OSBPL5: variants seen among roughly 807,000 people sequenced by gnomAD.
The protein encoded by OSBPL5 is oxysterol binding protein like 5, also known as oxysterol-binding protein-related protein 5.
Under a neutral mutation model 111.2 loss-of-function variants are expected in OSBPL5, and 71 were observed. The ratio of observed to expected loss-of-function variants is 0.64; its 90% CI spans 0.53 to 0.78. OSBPL5 has a LOEUF of 0.78. Among genes scored for constraint, OSBPL5 ranks in the 30% least tolerant of loss-of-function variants. OSBPL5 has a pLI of 0.00. For missense variants in OSBPL5, 1,210 were observed against 1,189.3 expected, an observed-to-expected ratio of 1.02 and a Z score of -0.26; for synonymous variants, 549 against 513.9, an observed-to-expected ratio of 1.07 and a Z score of -0.93.
chr11:3,108,564 G>T (rs114038374), intron 7 of OSBPL5, among the ~76,000 whole-genome samples: 1 of 152,112 alleles, frequency 6.6e-6, no homozygotes, highest in African/African-American at 2.4e-5. Context: ...AGCAGGGGCT[G>T]GTCGACAGCT....
chr11:3,107,553 G>T lies in OSBPL5; in HGVS notation c.867-98C>A. ...CCTCGCTGCTCCGCACTTCACATACGTTCCTGCCTGTCGTCACCTCCACAA... is the reference window on the plus strand; with the variant it reads ...CCTCGCTGCTCCGCACTTCACATACTTTCCTGCCTGTCGTCACCTCCACAA... On this transcript the variant is annotated intron_variant, in intron 8 of 21. Transcript: ENST00000263650. The surrounding 1 kb of genome is among the most constrained non-coding windows in gnomAD (Gnocchi z 6.1). 1.4e-6 allele frequency: 2 copies of T among 1,426,840 alleles called. No individual in the cohort carries two copies. The highest frequency in any genetic ancestry group is 4.6e-5 in the East Asian group (2 of 43,650). 88.4% of individuals were successfully genotyped at this position (1,426,840 alleles called of 1,614,324 possible).
intron 3 of OSBPL5, among the ~76,000 whole-genome samples, chr11:3,123,189 T>C (rs1184169615): frequency 6.6e-6 from 1 of 152,144 alleles, no homozygotes; most frequent in Non-Finnish European, 1.5e-5. Flanking sequence ...GGGCCACGGT[T>C]CTTCTACAGA....
rs945743615 is a variant in OSBPL5, at chr11:3,140,689, A to G, written c.-21-11520T>C. ...CACATTACCCAGGACTGGCTGTAGG[A>G]GCCTTGTTTCCAAGACCAGAGAGGT... On this transcript the variant is annotated intron_variant, in intron 1 of 21. Coordinates refer to ENST00000263650, the MANE Select transcript of OSBPL5 (RefSeq NM_020896.4). This position sits in a 1 kb window ranked among gnomAD's most constrained non-coding sequence, Gnocchi z 4.5. 6.6e-6 allele frequency among the ~76,000 whole-genome samples: 1 copy of G among 152,116 alleles called. No individual in the cohort carries two copies. Among genetic ancestry groups the G allele is most frequent in the Non-Finnish European group, 1.5e-5 (1 of 67,994 alleles).
In OSBPL5 at chr11:3,142,794, C is replaced by T. The variant is rs1054875718; in HGVS notation, c.-21-13625G>A. 1.3e-5 allele frequency among the ~76,000 whole-genome samples: 2 copies of T among 151,958 alleles called. No homozygotes were observed. The highest frequency in any genetic ancestry group is 2.9e-5 in the Non-Finnish European group (2 of 67,990). Reference sequence around the variant, plus strand: ...AGGTCTCCCTTCACCTGGGGATCCCCGAGCCCCATGCAGCCTTGCGGGTAG... The same window carrying T: ...AGGTCTCCCTTCACCTGGGGATCCCTGAGCCCCATGCAGCCTTGCGGGTAG... On this transcript the variant is annotated intron_variant, in intron 1 of 21. Coordinates refer to ENST00000263650, the MANE Select transcript of OSBPL5 (RefSeq NM_020896.4). The surrounding 1 kb of genome is among the most constrained non-coding windows in gnomAD (Gnocchi z 7.1).
chr11:3,156,754 T>C (rs1846771333), intron 1 of OSBPL5, among the ~76,000 whole-genome samples: 1 of 152,264 alleles, frequency 6.6e-6, no homozygotes, highest in African/African-American at 2.4e-5. Flanking sequence ...GGCCCCTCCC[T>C]GCTCTGAGAG....
chr11:3,119,456 C>A (rs1858324111), intron 7 of OSBPL5, 91 bp downstream of exon 7: 3 of 1,324,952 alleles, frequency 2.3e-6, no homozygotes, highest in Admixed American at 5.3e-5. Flanking sequence ...AGGGACTGAA[C>A]TGGGGCCACC....
chr11:3,155,163 C>T (rs375721832), intron 1 of OSBPL5, among the ~76,000 whole-genome samples: 5 of 152,348 alleles, frequency 3.3e-5, no homozygotes, highest in East Asian at 3.9e-4. Flanking sequence ...AGAGAATCAA[C>T]GTCTGGGCTG....
chr11:3,142,743 G>A lies in OSBPL5; in HGVS notation c.-21-13574C>T, dbSNP rs1846167380. Among the ~76,000 whole-genome samples, 1 of 152,108 alleles carries A rather than the reference G, an allele frequency of 6.6e-6. No homozygotes were observed. Among genetic ancestry groups the A allele is most frequent in the African/African-American group, 2.4e-5 (1 of 41,412 alleles). ...CGCGGGGCCCGGCAGGAAGTCGTGT[G>A]CAGGGGTGGAGGCTGGAAGACCAGC... On this transcript the variant is annotated intron_variant, in intron 1 of 21. Transcript: ENST00000263650. The surrounding 1 kb of genome is among the most constrained non-coding windows in gnomAD (Gnocchi z 7.1).
intron 21 of OSBPL5, 148 bp from the exon 22 acceptor site, chr11:3,088,491 G>C: frequency 2.1e-6 from 2 of 936,216 alleles, no homozygotes; most frequent in Non-Finnish European, 2.9e-6. Context: ...GCAACAGAGC[G>C]GGTGGGGGTG....
intron 10 of OSBPL5, among the ~76,000 whole-genome samples, chr11:3,103,665 TTGCCCCCTTCCAGTCTCTGC>T (rs1857533829): frequency 1.5e-5 from 2 of 134,110 alleles, no homozygotes; most frequent in Admixed American, 7.1e-5. Flanking sequence ...CCTGCCTCTG[TTGCCCCCTTCCAGTCTCTGC>T]AGCCCCCTTC....
At chr11:3,159,169 A>T (rs1268635948) in intron 1 of OSBPL5, among the ~76,000 whole-genome samples, 2 of 152,182 alleles carry the variant, frequency 1.3e-5, no homozygotes, top group Non-Finnish European at 2.9e-5. Flanking sequence ...GAGGCCACAG[A>T]GAATGAAACA....
At chr11:3,151,095 G>C (rs1018715108) in intron 1 of OSBPL5, among the ~76,000 whole-genome samples, 1 of 152,190 alleles carries the variant, frequency 6.6e-6, no homozygotes, top group African/African-American at 2.4e-5. Flanking sequence ...GACACAGACA[G>C]GGGAGAACGT....
intron 11 of OSBPL5, among the ~76,000 whole-genome samples, chr11:3,102,756 C>T (rs763467711): frequency 2.0e-5 from 3 of 152,142 alleles, no homozygotes; most frequent in Non-Finnish European, 4.4e-5. Context: ...AACCCCAGGG[C>T]TCTGTGGTGG....
chr11:3,120,277 T>A, intron 6 of OSBPL5, 144 bp downstream of exon 6: 1 of 977,494 alleles, frequency 1.0e-6, no homozygotes, highest in Non-Finnish European at 1.5e-6. Flanking sequence ...CCTGGCCGCA[T>A]GTGGGGCTCA....
intron 7 of OSBPL5, 137 bp from the exon 8 acceptor site, chr11:3,108,082 C>T: frequency 8.5e-7 from 1 of 1,178,950 alleles, no homozygotes; most frequent in Non-Finnish European, 1.2e-6. Context: ...ACCCCTGGCC[C>T]TGCCCCAGCA....
At chr11:3,091,645 C>CTGCAGACA (rs1857058550) in intron 19 of OSBPL5, among the ~76,000 whole-genome samples, 1 of 152,094 alleles carries the variant, frequency 6.6e-6, no homozygotes, top group South Asian at 2.1e-4. Context: ...GGAGACTGTG[C>CTGCAGACA]TGCAGACATA....
rs760457132 is a variant in OSBPL5, at chr11:3,093,618, G to A, written c.1855C>T (p.Leu619Phe). Residue 619 changes from leucine (L) to phenylalanine (F), a missense_variant, in exon 17 of 22, where the codon CTT becomes TTT. Physicochemically the swap from Leu to Phe is conservative, Grantham distance 22 (BLOSUM62 0). Coordinates refer to ENST00000263650, the MANE Select transcript of OSBPL5 (RefSeq NM_020896.4). ...IKEEGSGSSA[L>F]FWTPSGEVRR... is the part of the protein sequence containing the mutation. ...ACCTCCCCGCTCGGGGTCCAGAAAAGCGCACTGCTTCCGCTCCCTTCCTCC... is the reference window on the plus strand; with the variant it reads ...ACCTCCCCGCTCGGGGTCCAGAAAAACGCACTGCTTCCGCTCCCTTCCTCC... The A allele has an allele frequency of 1.2e-6, 2 of 1,612,938 alleles. No individual in the cohort carries two copies. The highest frequency in any genetic ancestry group is 1.7e-6 in the Non-Finnish European group (2 of 1,179,982).
intron 1 of OSBPL5, among the ~76,000 whole-genome samples, chr11:3,133,421 C>A (rs1845865362): frequency 6.6e-6 from 1 of 152,268 alleles, no homozygotes; most frequent in Non-Finnish European, 1.5e-5. Context: ...CACTGCCCTG[C>A]ACTGCCTGCG....
chr11:3,112,966 T>A (rs72844075), intron 7 of OSBPL5, among the ~76,000 whole-genome samples: 2,748 of 152,134 alleles, frequency 0.018, 39 homozygotes, highest in Non-Finnish European at 0.032. Context: ...GAAAAAAAAA[T>A]TTTTATAAAC....
Sources: gnomAD v4.1 joint callset for allele counts (sites outside exome capture counted in the v4.1 genomes callset) on GRCh38, gnomAD v4.1.1 for gene constraint, Gnocchi (gnomAD v3.1) non-coding constraint, MANE v1.5 for transcripts, NCBI Gene and HGNC (gene_info 2026-07-23, HGNC 2026-07-21) for gene names.